The following USH2A variants were observed in gnomAD, a reference collection of about 807,000 sequenced individuals.
The protein encoded by USH2A is Usher syndrome 2A (autosomal recessive, mild).
A neutral mutation model predicts 538.9 loss-of-function variants in USH2A; 443 were observed. The ratio of observed to expected loss-of-function variants is 0.82; its 90% CI spans 0.76 to 0.89. The LOEUF is 0.89. USH2A is among the 40% of genes least tolerant of loss of function. The pLI is 0.00. For synonymous variants in USH2A, 2,413 were observed against 2,273.5 expected (o/e 1.06, Z -1.75); for missense variants, 6,633 against 6,324.8 (o/e 1.05, Z -1.65).
chr1:216,413,388 A>G (rs1296328852), intron 3 of USH2A, among the ~76,000 whole-genome samples: 1 of 152,060 alleles, frequency 6.6e-6, no homozygotes, highest in Non-Finnish European at 1.5e-5. Context: ...CCCTCAATCA[A>G]TAGGAACATG....
At chr1:216,400,094 C>A (rs915856586) in intron 3 of USH2A, among the ~76,000 whole-genome samples, 6 of 151,798 alleles carry the variant, frequency 4.0e-5, no homozygotes, top group African/African-American at 1.2e-4. Flanking sequence ...TGATATGAAT[C>A]ATATGTTGGA....
chr1:215,836,847 C>G (rs548423250), intron 47 of USH2A, among the ~76,000 whole-genome samples: 1 of 151,440 alleles, frequency 6.6e-6, no homozygotes, highest in Non-Finnish European at 1.5e-5. Flanking sequence ...TGAGCCACCA[C>G]GCCCCACCTT....
intron 46 of USH2A, among the ~76,000 whole-genome samples, chr1:215,840,340 T>C (rs2102818609): frequency 6.6e-6 from 1 of 152,168 alleles, no homozygotes. Context: ...GACATCGTAA[T>C]GAAAATCACT....
intron 44 of USH2A, among the ~76,000 whole-genome samples, chr1:215,861,133 T>C (rs560485368): frequency 1.3e-5 from 2 of 152,182 alleles, no homozygotes; most frequent in African/African-American, 4.8e-5. Flanking sequence ...GCATATCTCC[T>C]GTCTTGTCTC....
At chr1:216,329,210 A>T (rs2037799242) in intron 4 of USH2A, among the ~76,000 whole-genome samples, 1 of 152,212 alleles carries the variant, frequency 6.6e-6, no homozygotes, top group African/African-American at 2.4e-5. Flanking sequence ...AAGATTTCCA[A>T]CACAAATTGT....
chr1:216,071,299 C>G (rs1375569063), intron 29 of USH2A, among the ~76,000 whole-genome samples: 1 of 152,130 alleles, frequency 6.6e-6, no homozygotes, highest in African/African-American at 2.4e-5. Context: ...TAAGAGGAAA[C>G]ACCAAAGGGG....
chr1:215,683,013 CGT>C (rs1220812324), intron 61 of USH2A, among the ~76,000 whole-genome samples: 1 of 151,970 alleles, frequency 6.6e-6, no homozygotes, highest in Non-Finnish European at 1.5e-5. Flanking sequence ...CATGTACCAC[CGT>C]GTGTGGCTAA....
chr1:216,306,994 T>A (rs2037328818), intron 9 of USH2A, among the ~76,000 whole-genome samples: 1 of 152,052 alleles, frequency 6.6e-6, no homozygotes, highest in Non-Finnish European at 1.5e-5. Context: ...ATTGCACTAG[T>A]TTTGTGTTGG....
chr1:216,013,163 CCTT>C (rs1397135782), intron 32 of USH2A, among the ~76,000 whole-genome samples: 4 of 152,084 alleles, frequency 2.6e-5, no homozygotes, highest in Non-Finnish European at 5.9e-5. Context: ...CTGTTTTTCT[CCTT>C]CTCTTATTCC....
chr1:216,174,981 A>G (rs1011516469), intron 21 of USH2A: 3 of 1,271,702 alleles, frequency 2.4e-6, no homozygotes, highest in Non-Finnish European at 3.0e-6. Flanking sequence ...ATACTTCACA[A>G]AAAGACAAAT....
At chr1:216,156,568 T>C (rs1183980046) in intron 21 of USH2A, among the ~76,000 whole-genome samples, 1 of 152,162 alleles carries the variant, frequency 6.6e-6, no homozygotes, top group African/African-American at 2.4e-5. Flanking sequence ...ATTTATAAAA[T>C]AATTCCAGAA....
intron 64 of USH2A, among the ~76,000 whole-genome samples, chr1:215,651,529 A>C (rs1214006201): frequency 6.6e-6 from 1 of 152,182 alleles, no homozygotes; most frequent in Admixed American, 6.5e-5. Context: ...GTGAAAGCCT[A>C]ACTTCAGGAA....
At chr1:215,725,336 C>G (rs1449855312) in intron 61 of USH2A, among the ~76,000 whole-genome samples, 6 of 152,272 alleles carry the variant, frequency 3.9e-5, no homozygotes, top group African/African-American at 1.4e-4. Context: ...AAATATTGAA[C>G]ACAATCTCCT....
rs976507097 is a variant in USH2A, at chr1:216,258,379, A to G, written c.1972-7281T>C. Among the ~76,000 whole-genome samples the G allele has an allele frequency of 6.6e-5, 10 of 152,214 alleles. No homozygotes were observed. The East Asian group carries it at 1.5e-3, about 24-fold the overall frequency. On this transcript the variant is annotated intron_variant, in intron 11 of 71. Coordinates refer to ENST00000307340, the MANE Select transcript of USH2A (RefSeq NM_206933.4). ...GAAATAGGCACATACCCAGCATTAC[A>G]TGAGTGTTAATTATTGTTACTTTTA...
rs79849431 is a variant in USH2A at position 216,204,975 on chromosome 1, C to T, written c.3316+2298G>A. ...AATGTCTGATTAGTGAATGAATACACATTTATTATGTAAGAAAATGTTATT... is the reference window on the plus strand; with the variant it reads ...AATGTCTGATTAGTGAATGAATACATATTTATTATGTAAGAAAATGTTATT... On this transcript the variant is annotated intron_variant, in intron 16 of 71. Coordinates refer to ENST00000307340, the MANE Select transcript of USH2A (RefSeq NM_206933.4). Among the ~76,000 whole-genome samples the T allele has an allele frequency of 4.0e-3, 606 of 152,244 alleles. 1 individual carries two copies. The highest frequency in any genetic ancestry group is 0.014 in the African/African-American group (581 of 41,568).
intron 55 of USH2A, among the ~76,000 whole-genome samples, chr1:215,778,421 G>GT (rs1261242785): frequency 6.6e-6 from 1 of 152,158 alleles, no homozygotes; most frequent in African/African-American, 2.4e-5. Context: ...GCCAAGAGTT[G>GT]TATTAAGCAC....
At chr1:215,953,185 G>A (rs1231460463) in intron 37 of USH2A, among the ~76,000 whole-genome samples, 5 of 152,018 alleles carry the variant, frequency 3.3e-5, no homozygotes, top group Admixed American at 3.3e-4. Flanking sequence ...AGCTACCAAC[G>A]ACTTTCTTCA....
intron 50 of USH2A, 75 bp downstream of exon 50, chr1:215,798,832 T>C (rs143019757): frequency 1.9e-6 from 3 of 1,562,576 alleles, no homozygotes; most frequent in Middle Eastern, 1.7e-4. Context: ...ATTTGTTTTA[T>C]TTCTAGGGCA....
At chr1:216,262,934 GAA>G (rs1225597434) in intron 11 of USH2A, among the ~76,000 whole-genome samples, 1 of 152,038 alleles carries the variant, frequency 6.6e-6, no homozygotes, top group Non-Finnish European at 1.5e-5. Flanking sequence ...AATCAGAAAT[GAA>G]AAAGGAGACA....
Sources: allele counts gnomAD v4.1 joint callset (sites outside exome capture counted in the v4.1 genomes callset), GRCh38; gene constraint gnomAD v4.1.1; transcripts MANE v1.5; gene names NCBI Gene and HGNC (gene_info 2026-07-23, HGNC 2026-07-21).